LOC128462377: variants seen among roughly 807,000 people sequenced by gnomAD.
the LOC128462377 span, among the ~76,000 whole-genome samples, chr16:89,348,174 C>G: frequency 4.6e-5 from 7 of 152,108 alleles, no homozygotes; most frequent in Admixed American, 3.3e-4. Flanking sequence ...TCAAACAGTC[C>G]TCCCATCTCA....
At chr16:89,384,487 C>T in the LOC128462377 span, among the ~76,000 whole-genome samples, 15 of 150,680 alleles carry the variant, frequency 1.0e-4, no homozygotes, top group Non-Finnish European at 2.2e-4. Flanking sequence ...GGGAATGGGA[C>T]GAGATGGAAA....
At chr16:89,358,241 G>A in the LOC128462377 span, among the ~76,000 whole-genome samples, 13 of 152,330 alleles carry the variant, frequency 8.5e-5, no homozygotes, top group Admixed American at 3.9e-4. Flanking sequence ...CACTGGTCCC[G>A]CATGGAGCTG....
the LOC128462377 span, among the ~76,000 whole-genome samples, chr16:89,335,443 G>A: frequency 1.3e-5 from 2 of 152,228 alleles, no homozygotes; most frequent in African/African-American, 4.8e-5. Flanking sequence ...CTGAGCTTCA[G>A]GATGAGTGGG....
chr16:89,342,932 G>A, the LOC128462377 span, among the ~76,000 whole-genome samples: 2 of 152,160 alleles, frequency 1.3e-5, no homozygotes, highest in South Asian at 4.1e-4. Flanking sequence ...GCCCAAAACA[G>A]GCATCATTTA....
the LOC128462377 span, among the ~76,000 whole-genome samples, chr16:89,375,468 T>C: frequency 1.1e-4 from 16 of 152,132 alleles, no homozygotes; most frequent in African/African-American, 3.6e-4. Context: ...CTATCTCTTT[T>C]TTTTTTTGGA....
chr16:89,363,101 T>C, the LOC128462377 span, among the ~76,000 whole-genome samples: 9 of 152,084 alleles, frequency 5.9e-5, no homozygotes, highest in African/African-American at 9.7e-5. Flanking sequence ...AAATTTACGT[T>C]CAAGTGCTAT....
At chr16:89,395,116 G>A in the LOC128462377 span, among the ~76,000 whole-genome samples, 2 of 152,236 alleles carry the variant, frequency 1.3e-5, no homozygotes, top group Admixed American at 6.5e-5. Context: ...AGGACAAGAT[G>A]AAAGAGGGCC....
At chr16:89,386,208 C>A in the LOC128462377 span, among the ~76,000 whole-genome samples, 1 of 152,126 alleles carries the variant, frequency 6.6e-6, no homozygotes, top group Non-Finnish European at 1.5e-5. Flanking sequence ...AAATGGAAAT[C>A]CACACTACAA....
chr16:89,319,365 AG>A, the LOC128462377 span, among the ~76,000 whole-genome samples: 1 of 152,220 alleles, frequency 6.6e-6, no homozygotes, highest in Admixed American at 6.5e-5. Flanking sequence ...GAGTCCACTC[AG>A]GAGGTGGAGG....
At chr16:89,353,208 G>A in the LOC128462377 span, among the ~76,000 whole-genome samples, 2 of 152,110 alleles carry the variant, frequency 1.3e-5, no homozygotes, top group Non-Finnish European at 1.5e-5. Context: ...CGTGCATGGT[G>A]GCAGACGCCT....
At chr16:89,327,763 A>T in the LOC128462377 span, among the ~76,000 whole-genome samples, 2 of 152,220 alleles carry the variant, frequency 1.3e-5, no homozygotes, top group Non-Finnish European at 2.9e-5. Flanking sequence ...GTTCATATGG[A>T]ACAAAACTAG....
chr16:89,340,109 G>C, the LOC128462377 span: 1 of 152,208 alleles, frequency 6.6e-6, no homozygotes, highest in Non-Finnish European at 1.5e-5. Context: ...ACTAAAATGA[G>C]TATTTGTCTG....
At chr16:89,412,096 C>G in the LOC128462377 span, among the ~76,000 whole-genome samples, 2 of 73,534 alleles carry the variant, frequency 2.7e-5, no homozygotes, top group Admixed American at 1.3e-4. Context: ...CCTCAGCCAG[C>G]TACTGGGCTG....
the LOC128462377 span, among the ~76,000 whole-genome samples, chr16:89,328,251 C>T: frequency 4.6e-5 from 7 of 152,160 alleles, no homozygotes; most frequent in Non-Finnish European, 8.8e-5. Context: ...GCTGTGGGAA[C>T]GCAAAGTGGT....
At chr16:89,331,303 T>A in the LOC128462377 span, among the ~76,000 whole-genome samples, 8 of 152,186 alleles carry the variant, frequency 5.3e-5, no homozygotes, top group African/African-American at 9.7e-5. Context: ...TTTTACTCTA[T>A]AATGAGGCTA....
chr16:89,326,255 CA>C, the LOC128462377 span, among the ~76,000 whole-genome samples: 1 of 152,154 alleles, frequency 6.6e-6, no homozygotes, highest in South Asian at 2.1e-4. Flanking sequence ...TGGAAATAAA[CA>C]CACGGAAGTG....
the LOC128462377 span, among the ~76,000 whole-genome samples, chr16:89,385,376 G>A: frequency 8.0e-5 from 12 of 149,468 alleles, no homozygotes; most frequent in East Asian, 8.0e-4. Flanking sequence ...TGATCCACCC[G>A]CTTCAGCCTC....
chr16:89,336,046 C>T, the LOC128462377 span, among the ~76,000 whole-genome samples: 1 of 152,218 alleles, frequency 6.6e-6, no homozygotes. Flanking sequence ...CACAGGAAAC[C>T]TTAGATACTA....
At chr16:89,391,332 G>A in the LOC128462377 span, among the ~76,000 whole-genome samples, 8 of 152,076 alleles carry the variant, frequency 5.3e-5, no homozygotes, top group African/African-American at 9.7e-5. Context: ...CAGGGCTTGC[G>A]GTGGGTGCTG....
Sources: gnomAD v4.1 joint callset for allele counts (sites outside exome capture counted in the v4.1 genomes callset) on GRCh38, gnomAD v4.1.1 for gene constraint, MANE v1.5 for transcripts.